The following SEMA6D variants were observed in gnomAD, a reference collection of about 807,000 sequenced individuals.
The protein encoded by SEMA6D is semaphorin 6D.
A neutral mutation model predicts 106.6 loss-of-function variants in SEMA6D; 35 were observed. The observed-to-expected ratio is 0.33, with a 90% CI of 0.25 to 0.44. SEMA6D has a LOEUF of 0.44. Among genes scored for constraint, SEMA6D ranks in the 20% least tolerant of loss-of-function variants. SEMA6D has a pLI of 1.00. For synonymous variants in SEMA6D, 499 were observed against 487.7 expected, an observed-to-expected ratio of 1.02 and a Z score of -0.31; for missense variants, 1,185 against 1,345.9, an observed-to-expected ratio of 0.88 and a Z score of 1.87.
At chr15:47,324,192 A>G (rs554298497) in intron 1 of SEMA6D, among the ~76,000 whole-genome samples, 1 of 152,304 alleles carries the variant, frequency 6.6e-6, no homozygotes, top group South Asian at 2.1e-4. Flanking sequence ...ATACATCAAT[A>G]TATAACACAA....
intron 4 of SEMA6D, among the ~76,000 whole-genome samples, chr15:47,609,242 T>C (rs550702231): frequency 6.6e-6 from 1 of 152,326 alleles, no homozygotes; most frequent in South Asian, 2.1e-4. Context: ...ACATAGATCT[T>C]AATAAATAAA....
At chr15:47,286,358 A>G (rs1159585722) in intron 1 of SEMA6D, among the ~76,000 whole-genome samples, 2 of 152,196 alleles carry the variant, frequency 1.3e-5, no homozygotes, top group African/African-American at 4.8e-5. Context: ...AATTATGTTT[A>G]CAGGAGTTCT....
At chr15:47,342,181 A>T (rs2037845132) in intron 1 of SEMA6D, among the ~76,000 whole-genome samples, 1 of 152,180 alleles carries the variant, frequency 6.6e-6, no homozygotes, top group African/African-American at 2.4e-5. Context: ...GAAACCAACA[A>T]CTAATCTCTA....
intron 1 of SEMA6D, among the ~76,000 whole-genome samples, chr15:47,375,747 A>T (rs1362959634): frequency 2.0e-5 from 3 of 152,236 alleles, no homozygotes; most frequent in Non-Finnish European, 4.4e-5. Context: ...GGTGCATAGC[A>T]AATATAGTTT....
At chr15:47,215,528 G>T (rs1401408477) in intron 1 of SEMA6D, among the ~76,000 whole-genome samples, 1 of 151,964 alleles carries the variant, frequency 6.6e-6, no homozygotes, top group East Asian at 1.9e-4. Context: ...ATATTTACAA[G>T]AACATTTAAA....
At chr15:47,420,259 A>T (rs2041109906) in intron 2 of SEMA6D, among the ~76,000 whole-genome samples, 2 of 152,088 alleles carry the variant, frequency 1.3e-5, no homozygotes, top group South Asian at 4.1e-4. Context: ...CAACAGTAGA[A>T]CATTGTATTA....
intron 3 of SEMA6D, among the ~76,000 whole-genome samples, chr15:47,596,410 A>T (rs59535627): frequency 0.17 from 26,369 of 152,088 alleles, 2,640 homozygotes; most frequent in African/African-American, 0.25. Context: ...AATGCCATTT[A>T]TTCACAGAAA....
At chr15:47,310,557 G>A (rs2036408641) in intron 1 of SEMA6D, among the ~76,000 whole-genome samples, 1 of 151,016 alleles carries the variant, frequency 6.6e-6, no homozygotes, top group African/African-American at 2.4e-5. Context: ...AATTAATGCT[G>A]TCAATATATT....
In SEMA6D at chr15:47,611,492, C is replaced by T. The variant is rs554842822; in HGVS notation, c.-55+10596C>T. On this transcript the variant is annotated intron_variant, in intron 4 of 19. Transcript: ENST00000558014. ...AGCACTTTGTATACAATATAACGAA[C>T]GTGTGTGTGTGTTTATATGTACAAA... is the stretch of plus-strand genomic sequence containing the variant. Among the ~76,000 whole-genome samples the T allele has an allele frequency of 8.6e-5, 13 of 152,030 alleles. No individual in the cohort carries two copies. In the East Asian group the frequency reaches 1.2e-3, roughly 14 times the overall value.
At chr15:47,517,202 C>T (rs1456903586) in intron 3 of SEMA6D, among the ~76,000 whole-genome samples, 2 of 152,038 alleles carry the variant, frequency 1.3e-5, no homozygotes, top group Non-Finnish European at 2.9e-5. Context: ...TATGGCTGCC[C>T]CTGAATCCCT....
At chr15:47,713,784 A>C (rs367816862), upstream of SEMA6D, among the ~76,000 whole-genome samples, 53 of 152,356 alleles carry the variant, frequency 3.5e-4, no homozygotes, top group African/African-American at 1.2e-3. Context: ...AGACATATAC[A>C]CATAGATAAG....
chr15:47,215,656 T>C (rs2030518702), intron 1 of SEMA6D, among the ~76,000 whole-genome samples: 1 of 152,158 alleles, frequency 6.6e-6, no homozygotes, highest in Admixed American at 6.6e-5. Flanking sequence ...CATATATATG[T>C]ATATAATAAA....
intron 1 of SEMA6D, among the ~76,000 whole-genome samples, chr15:47,385,330 A>G (rs1256532646): frequency 6.6e-6 from 1 of 152,196 alleles, no homozygotes; most frequent in Non-Finnish European, 1.5e-5. Context: ...ACATGTTGGT[A>G]TAGTCATAGT....
At chr15:47,581,874 C>T (rs1279140464) in intron 3 of SEMA6D, among the ~76,000 whole-genome samples, 1 of 146,976 alleles carries the variant, frequency 6.8e-6, no homozygotes, top group Non-Finnish European at 1.5e-5. Context: ...AGTCTCCAGC[C>T]AGAATCTAGG....
intron 4 of SEMA6D, among the ~76,000 whole-genome samples, chr15:47,660,646 T>A (rs1481616833): frequency 1.3e-5 from 2 of 152,216 alleles, no homozygotes; most frequent in East Asian, 3.8e-4. Context: ...TTTATAATAT[T>A]TGATTTTTTA....
chr15:47,229,178 A>G (rs889313384), intron 1 of SEMA6D, among the ~76,000 whole-genome samples: 10 of 152,182 alleles, frequency 6.6e-5, no homozygotes, highest in African/African-American at 2.2e-4. Flanking sequence ...AACTAGAATC[A>G]GATAAAGAGT....
intron 3 of SEMA6D, among the ~76,000 whole-genome samples, chr15:47,521,487 C>T (rs1456485427): frequency 6.6e-6 from 1 of 152,170 alleles, no homozygotes; most frequent in African/African-American, 2.4e-5. Flanking sequence ...TATGCCAGAG[C>T]TGGCACATGG....
intron 3 of SEMA6D, among the ~76,000 whole-genome samples, chr15:47,479,383 T>C (rs908176577): frequency 1.3e-5 from 2 of 152,134 alleles, no homozygotes; most frequent in African/African-American, 4.8e-5. Context: ...GCAGGCTTGA[T>C]GCTAAATACT....
intron 4 of SEMA6D, among the ~76,000 whole-genome samples, chr15:47,611,886 C>T (rs973789319): frequency 2.6e-5 from 4 of 151,858 alleles, no homozygotes; most frequent in East Asian, 1.9e-4. Context: ...AGCCAGTGCC[C>T]GATGGAAAAT....
Sources: allele counts gnomAD v4.1 joint callset (sites outside exome capture counted in the v4.1 genomes callset), GRCh38; gene constraint gnomAD v4.1.1; transcripts MANE v1.5; gene names NCBI Gene and HGNC (gene_info 2026-07-23, HGNC 2026-07-21).